The following LINGO2 variants were observed in gnomAD, a reference collection of about 807,000 sequenced individuals.
LINGO2 encodes leucine-rich repeat and immunoglobulin-like domain-containing nogo receptor-interacting protein 2.
LINGO2 carries 14 observed loss-of-function variants against 30.6 expected under a neutral mutation model. That is an observed-to-expected ratio of 0.46 (90% CI 0.30 to 0.72). LINGO2 has a LOEUF of 0.72. Ranked by LOEUF, LINGO2 falls within the 30% of genes least tolerant of loss-of-function variation. LINGO2 has a pLI of 0.07. For synonymous variants in LINGO2, 317 were observed against 288.5 expected, an observed-to-expected ratio of 1.10 and a Z score of -1.00; for missense variants, 729 against 751.7, an observed-to-expected ratio of 0.97 and a Z score of 0.35.
the LINGO2 span, among the ~76,000 whole-genome samples, chr9:28,871,660 A>G: frequency 6.6e-6 from 1 of 151,992 alleles, no homozygotes; most frequent in Non-Finnish European, 1.5e-5. Context: ...TGAGGTTTTT[A>G]TCTTTGCAGC....
the LINGO2 span, among the ~76,000 whole-genome samples, chr9:28,883,064 A>G: frequency 6.6e-6 from 1 of 152,196 alleles, no homozygotes; most frequent in Non-Finnish European, 1.5e-5. Flanking sequence ...AATAAAAACC[A>G]AAGCCCTTAC....
chr9:28,745,889 A>G, the LINGO2 span, among the ~76,000 whole-genome samples: 1 of 151,454 alleles, frequency 6.6e-6, no homozygotes, highest in Non-Finnish European at 1.5e-5. Flanking sequence ...AATCACTTCT[A>G]AAGTTCTTGT....
chr9:28,532,210 C>G (rs974736059), intron 1 of LINGO2, among the ~76,000 whole-genome samples: 1 of 152,106 alleles, frequency 6.6e-6, no homozygotes, highest in Non-Finnish European at 1.5e-5. Flanking sequence ...ATCTTTCAGA[C>G]AGCTTGGGGG....
chr9:28,884,656 A>C, the LINGO2 span, among the ~76,000 whole-genome samples: 2 of 134,598 alleles, frequency 1.5e-5, no homozygotes, highest in South Asian at 4.7e-4. Context: ...TTTAGAACTC[A>C]ATGTATTTTC....
intron 4 of LINGO2, among the ~76,000 whole-genome samples, chr9:28,179,779 T>G (rs1206596380): frequency 2.0e-5 from 3 of 150,640 alleles, no homozygotes; most frequent in Non-Finnish European, 4.4e-5. Flanking sequence ...AATCTAGATT[T>G]GCAACATGTT....
the LINGO2 span, among the ~76,000 whole-genome samples, chr9:28,991,162 G>C: frequency 1.3e-5 from 2 of 152,246 alleles, no homozygotes; most frequent in East Asian, 1.9e-4. Context: ...ATACAGAGAA[G>C]TGCTTAAAGG....
chr9:28,658,579 T>C (rs1283584517), intron 1 of LINGO2, among the ~76,000 whole-genome samples: 28 of 152,136 alleles, frequency 1.8e-4, no homozygotes, highest in Admixed American at 1.8e-3. Flanking sequence ...TCAACTACTA[T>C]ATGCATGGAA....
At chr9:28,523,924 C>A (rs1039401703) in intron 1 of LINGO2, among the ~76,000 whole-genome samples, 1 of 150,256 alleles carries the variant, frequency 6.7e-6, no homozygotes. Context: ...AAATTGACAA[C>A]CAGATTCTAA....
chr9:28,707,803 A>T, the LINGO2 span, among the ~76,000 whole-genome samples: 1 of 152,086 alleles, frequency 6.6e-6, no homozygotes, highest in Non-Finnish European at 1.5e-5. Context: ...AATAAAAACC[A>T]TCTGTGCTGA....
the LINGO2 span, among the ~76,000 whole-genome samples, chr9:28,866,483 T>C: frequency 1.3e-5 from 2 of 152,120 alleles, no homozygotes; most frequent in African/African-American, 2.4e-5. Context: ...AATTAGGAAC[T>C]ATAGCATAAA....
At chr9:28,178,274 TAC>T (rs1828803558) in intron 4 of LINGO2, among the ~76,000 whole-genome samples, 2 of 152,164 alleles carry the variant, frequency 1.3e-5, no homozygotes, top group Admixed American at 1.3e-4. Flanking sequence ...CGGTAGCGTA[TAC>T]ATTATATTAA....
At chr9:28,673,892 T>G (rs899378936), upstream of LINGO2, among the ~76,000 whole-genome samples, 1 of 151,890 alleles carries the variant, frequency 6.6e-6, no homozygotes, top group Non-Finnish European at 1.5e-5. Flanking sequence ...AGTAGGAATT[T>G]GATGAACATG....
At chr9:28,944,908 T>C in the LINGO2 span, among the ~76,000 whole-genome samples, 5 of 152,222 alleles carry the variant, frequency 3.3e-5, no homozygotes, top group South Asian at 8.3e-4. Context: ...TCCTGAGAAG[T>C]TCTACAAAAC....
At chr9:29,080,377 T>G in the LINGO2 span, among the ~76,000 whole-genome samples, 1 of 152,112 alleles carries the variant, frequency 6.6e-6, no homozygotes, top group African/African-American at 2.4e-5. Flanking sequence ...ATTTTGATGA[T>G]CTTTTCAAAA....
At chr9:28,010,226 A>G (rs1450410828) in intron 5 of LINGO2, among the ~76,000 whole-genome samples, 4 of 152,240 alleles carry the variant, frequency 2.6e-5, no homozygotes, top group Non-Finnish European at 4.4e-5. Context: ...TGAATTGTAT[A>G]CCTAACATGT....
At chr9:27,950,482 G>A in exon 6 of LINGO2, 2 of 1,601,620 alleles carry the variant, frequency 1.2e-6, no homozygotes, top group East Asian at 2.2e-5. Context: ...TTTTTACTGA[G>A]GTCCAAGATT....
At chr9:27,947,486 T>A (rs1455384631), downstream of LINGO2, among the ~76,000 whole-genome samples, 1 of 152,198 alleles carries the variant, frequency 6.6e-6, no homozygotes, top group Admixed American at 6.5e-5. Flanking sequence ...CACCTTGTTT[T>A]TTCTCAGTTC....
rs1056222000 is a variant in LINGO2 at position 28,557,811 on chromosome 9, C to T, written c.-364-81786G>A. On this transcript the variant is annotated intron_variant, in intron 1 of 5. Coordinates refer to ENST00000379992, the Ensembl canonical transcript of LINGO2. ...CACATATACACCATGGAATACTATG[C>T]AGCCATAAAAAATAATGAGTTCATG... Among the ~76,000 whole-genome samples, 462 of 151,776 alleles carry T rather than the reference C, an allele frequency of 3.0e-3. 6 individuals are homozygous for T. The highest frequency in any genetic ancestry group is 4.8e-3 in the Non-Finnish European group (325 of 67,970).
chr9:28,961,534 A>C, the LINGO2 span, among the ~76,000 whole-genome samples: 2 of 152,162 alleles, frequency 1.3e-5, no homozygotes, highest in Non-Finnish European at 2.9e-5. Flanking sequence ...TACAATTTAT[A>C]ATCTCAAAAC....
Sources: allele counts gnomAD v4.1 joint callset (sites outside exome capture counted in the v4.1 genomes callset), GRCh38; gene constraint gnomAD v4.1.1; transcripts MANE v1.5; gene names NCBI Gene and HGNC (gene_info 2026-07-23, HGNC 2026-07-21).